Variants in PATJ observed in about 807,000 individuals in gnomAD.
PATJ encodes the protein PATJ crumbs cell polarity complex component.
PATJ carries 190 observed loss-of-function variants against 224.9 expected under a neutral mutation model. That is an observed-to-expected ratio of 0.84 (90% CI 0.75 to 0.95). PATJ has a LOEUF of 0.95. Among genes scored for constraint, PATJ ranks in the 40% least tolerant of loss-of-function variants. The pLI, the probability that PATJ is intolerant of heterozygous loss-of-function variation, is 0.00. For missense variants in PATJ, 2,121 were observed against 2,270.3 expected, an observed-to-expected ratio of 0.93 and a Z score of 1.34; for synonymous variants, 769 against 820.3, an observed-to-expected ratio of 0.94 and a Z score of 1.07.
chr1:62,089,344 T>G (rs1301495688), intron 33 of PATJ, among the ~76,000 whole-genome samples: 1 of 151,698 alleles, frequency 6.6e-6, no homozygotes. Context: ...TGAGGCTGTT[T>G]GCTAAATACT....
At chr1:61,939,675 G>A in intron 27 of PATJ, among the ~76,000 whole-genome samples, 1 of 67,652 alleles carries the variant, frequency 1.5e-5, no homozygotes, top group Admixed American at 1.9e-4. Context: ...GTTTCTATGT[G>A]CTTTTTTTTT....
intron 14 of PATJ, among the ~76,000 whole-genome samples, chr1:61,818,301 T>C (rs1656567431): frequency 6.6e-6 from 1 of 152,214 alleles, no homozygotes; most frequent in Non-Finnish European, 1.5e-5. Flanking sequence ...ATCCTGTTGC[T>C]CATTAACTTT....
At chr1:62,021,938 T>G (rs914874021) in intron 29 of PATJ, among the ~76,000 whole-genome samples, 1 of 152,236 alleles carries the variant, frequency 6.6e-6, no homozygotes, top group African/African-American at 2.4e-5. Context: ...TGTATTTCTT[T>G]ACAATTTGCA....
chr1:61,991,585 CTCTT>C, intron 28 of PATJ: 1 of 985,436 alleles, frequency 1.0e-6, no homozygotes, highest in Non-Finnish European at 1.2e-6. Context: ...TCGCCATCAA[CTCTT>C]TCTTCCAAAC....
chr1:61,945,245 A>G (rs1678489838), intron 27 of PATJ, among the ~76,000 whole-genome samples: 1 of 152,228 alleles, frequency 6.6e-6, no homozygotes, highest in South Asian at 2.1e-4. Context: ...TTAAATGTAA[A>G]TGGGCTAAAT....
chr1:61,876,532 A>G (rs1010856221), intron 21 of PATJ, among the ~76,000 whole-genome samples: 5 of 151,664 alleles, frequency 3.3e-5, no homozygotes, highest in African/African-American at 1.2e-4. Context: ...TTTGGACCAG[A>G]TGAGTCTTTT....
At chr1:62,014,647 G>C (rs1050494877) in intron 28 of PATJ, among the ~76,000 whole-genome samples, 3 of 137,740 alleles carry the variant, frequency 2.2e-5, no homozygotes, top group African/African-American at 8.3e-5. Flanking sequence ...CCTCACTGCA[G>C]CCTCAACCTT....
rs1365776253 is a variant in PATJ, at chr1:62,045,831, A to G, written c.4033-5135A>G. On this transcript the variant is annotated intron_variant, in intron 30 of 43. Transcript: ENST00000642238. The stretch of plus-strand genomic sequence containing the variant: ...CCTTTCCCATATCAGACTCTTGGCT[A>G]TTTTCCAAGCTCCTGGTGAGTGGGG... Among the ~76,000 whole-genome samples, 65 of 152,088 alleles carry G rather than the reference A, an allele frequency of 4.3e-4. 1 individual carries two copies. Among genetic ancestry groups the G allele is most frequent in the Non-Finnish European group, 2.9e-5 (2 of 68,020 alleles).
chr1:61,823,080 G>A lies in PATJ; in HGVS notation c.1818+1G>A, dbSNP rs369481254. ...ACAGCCAGAAGATGAGCTGCTTGAG[G>A]TAAAATTTATGGGGAAAGAAAGACA... On this transcript the variant is annotated splice_donor_variant, in intron 15 of 43. Transcript: ENST00000642238. LOFTEE classifies it high-confidence loss of function. The A allele has an allele frequency of 1.1e-5, 18 of 1,613,634 alleles. No homozygotes were observed. The African/African-American group carries it at 1.9e-4, about 17-fold the overall frequency.
intron 31 of PATJ, among the ~76,000 whole-genome samples, chr1:62,056,422 G>A (rs1654546631): frequency 6.6e-6 from 1 of 152,154 alleles, no homozygotes; most frequent in South Asian, 2.1e-4. Flanking sequence ...CAGCTACTCA[G>A]GAGGCTGAAG....
chr1:62,104,152 A>G (rs1662587694), intron 33 of PATJ, among the ~76,000 whole-genome samples: 1 of 152,150 alleles, frequency 6.6e-6, no homozygotes, highest in Non-Finnish European at 1.5e-5. Context: ...CGGGTAGGGG[A>G]GAAGGCACTC....
intron 41 of PATJ, among the ~76,000 whole-genome samples, chr1:62,129,983 C>T (rs1469898985): frequency 1.3e-5 from 2 of 151,878 alleles, no homozygotes; most frequent in African/African-American, 4.8e-5. Context: ...AGAATAAAGC[C>T]CACCACTTAC....
intron 31 of PATJ, among the ~76,000 whole-genome samples, chr1:62,061,511 T>C (rs945802746): frequency 6.6e-6 from 1 of 151,962 alleles, no homozygotes; most frequent in African/African-American, 2.4e-5. Flanking sequence ...TCCATGTGTA[T>C]CCAGTGTTTA....
chr1:62,008,626 G>A (rs1425281716), intron 28 of PATJ, among the ~76,000 whole-genome samples: 1 of 152,092 alleles, frequency 6.6e-6, no homozygotes. Context: ...GTGCGCACCT[G>A]TAGTCCCAGC....
rs1277859645 is a variant in PATJ, at chr1:62,073,208, G to A, written c.4126-6242G>A. ...AGATCAGATCTTTTATTACTTGACA[G>A]GAGGTTGTGGAGTGTCATGCAACCT... On this transcript the variant is annotated intron_variant, in intron 31 of 43. Coordinates refer to ENST00000642238, the MANE Select transcript of PATJ (RefSeq NM_001350145.3). 1.6e-5 allele frequency: 16 copies of A among 985,266 alleles called. No individual in the cohort carries two copies. The South Asian group carries it at 5.6e-4, about 35-fold the overall frequency. 61.0% of individuals were successfully genotyped at this position (985,266 alleles called of 1,614,324 possible).
chr1:61,944,158 G>A (rs754802292), intron 27 of PATJ, among the ~76,000 whole-genome samples: 28 of 152,150 alleles, frequency 1.8e-4, no homozygotes, highest in Admixed American at 3.3e-4. Flanking sequence ...AAATCAGACC[G>A]CCTCTTCTCC....
At chr1:62,077,435 T>C (rs541386585) in intron 31 of PATJ, among the ~76,000 whole-genome samples, 1 of 152,160 alleles carries the variant, frequency 6.6e-6, no homozygotes, top group Admixed American at 6.5e-5. Flanking sequence ...ATGCCTGTAA[T>C]CCCAGCACTC....
At chr1:62,064,617 G>A (rs933916557) in intron 31 of PATJ, among the ~76,000 whole-genome samples, 4 of 152,166 alleles carry the variant, frequency 2.6e-5, no homozygotes, top group Non-Finnish European at 5.9e-5. Context: ...ATGAGCCACC[G>A]CGCCGGGCCT....
chr1:61,936,603 G>A (rs1472805847), intron 27 of PATJ, among the ~76,000 whole-genome samples: 1 of 151,910 alleles, frequency 6.6e-6, no homozygotes, highest in African/African-American at 2.4e-5. Flanking sequence ...AGGGTCTCTC[G>A]CTCTGTCACC....
Sources: gnomAD v4.1 joint callset for allele counts (sites outside exome capture counted in the v4.1 genomes callset) on GRCh38, gnomAD v4.1.1 for gene constraint, MANE v1.5 for transcripts, NCBI Gene and HGNC (gene_info 2026-07-23, HGNC 2026-07-21) for gene names.